Variants in SGCZ observed in about 807,000 individuals in gnomAD.
SGCZ encodes the protein sarcoglycan zeta.
SGCZ carries 40 observed loss-of-function variants against 41.3 expected under a neutral mutation model. The ratio of observed to expected loss-of-function variants is 0.97; its 90% CI spans 0.75 to 1.26. The LOEUF (loss-of-function observed/expected upper bound fraction) is 1.26. SGCZ is among the 50% of genes most tolerant of loss of function. The pLI, the probability that SGCZ is intolerant of heterozygous loss-of-function variation, is 0.00. For synonymous variants in SGCZ, 206 were observed against 137.5 expected, an observed-to-expected ratio of 1.50 and a Z score of -3.49; for missense variants, 552 against 369.8, an observed-to-expected ratio of 1.49 and a Z score of -4.04.
rs536506391 is a variant in SGCZ at position 14,474,746 on chromosome 8, A to C, written c.234+79986T>G. Among the ~76,000 whole-genome samples the C allele has an allele frequency of 3.8e-4, 58 of 152,330 alleles. No individual in the cohort carries two copies. The South Asian group carries it at 5.6e-3, about 15-fold the overall frequency. On this transcript the variant is annotated intron_variant, in intron 2 of 7. Transcript: ENST00000382080. ...TAAATTTACTGTTAGATTTTGATTC[A>C]CACTAAAAATCAATTACTTGTCCTT...
At chr8:14,379,587 T>C (rs907809105) in intron 2 of SGCZ, among the ~76,000 whole-genome samples, 1 of 152,074 alleles carries the variant, frequency 6.6e-6, no homozygotes, top group Non-Finnish European at 1.5e-5. Context: ...ACAGAAAATA[T>C]CAATAGACTA....
intron 1 of SGCZ, among the ~76,000 whole-genome samples, chr8:14,837,675 T>G (rs1167827062): frequency 6.6e-6 from 1 of 152,198 alleles, no homozygotes; most frequent in Non-Finnish European, 1.5e-5. Context: ...AATACAGAAA[T>G]ATTTTTATTT....
At chr8:14,117,353 A>T (rs1460243431) in intron 5 of SGCZ, among the ~76,000 whole-genome samples, 24 of 20,290 alleles carry the variant, frequency 1.2e-3, no homozygotes, top group Non-Finnish European at 2.0e-3. Context: ...TTCAATAGGT[A>T]GTGTTTTTTT....
At chr8:14,374,010 A>G (rs1804011871) in intron 2 of SGCZ, among the ~76,000 whole-genome samples, 1 of 152,214 alleles carries the variant, frequency 6.6e-6, no homozygotes, top group African/African-American at 2.4e-5. Context: ...CAGATATATT[A>G]ACGATTTTAA....
At chr8:14,412,078 C>T (rs906349233) in intron 2 of SGCZ, among the ~76,000 whole-genome samples, 1 of 152,036 alleles carries the variant, frequency 6.6e-6, no homozygotes, top group African/African-American at 2.4e-5. Flanking sequence ...TCAAAATTGC[C>T]ATTCAAAGAT....
intron 1 of SGCZ, among the ~76,000 whole-genome samples, chr8:14,602,807 T>C (rs1805635204): frequency 6.6e-6 from 1 of 152,196 alleles, no homozygotes; most frequent in Non-Finnish European, 1.5e-5. Flanking sequence ...TATGCATATA[T>C]GGCATCTTCT....
chr8:15,036,948 C>A (rs1445269012), intron 1 of SGCZ, among the ~76,000 whole-genome samples: 2 of 152,076 alleles, frequency 1.3e-5, no homozygotes, highest in Non-Finnish European at 2.9e-5. Context: ...ATACGAAAAT[C>A]TTTAAATATA....
At chr8:14,468,155 C>G (rs887028381) in intron 2 of SGCZ, among the ~76,000 whole-genome samples, 1 of 151,928 alleles carries the variant, frequency 6.6e-6, no homozygotes, top group Admixed American at 6.6e-5. Flanking sequence ...CCATCACTTT[C>G]TAGCTACATT....
chr8:15,021,536 C>G (rs964160706), intron 1 of SGCZ, among the ~76,000 whole-genome samples: 1 of 152,168 alleles, frequency 6.6e-6, no homozygotes, highest in Admixed American at 6.5e-5. Flanking sequence ...TACGTTGGCA[C>G]AACAGGATAG....
chr8:14,614,341 T>C (rs1191061717), intron 1 of SGCZ, among the ~76,000 whole-genome samples: 1 of 152,148 alleles, frequency 6.6e-6, no homozygotes, highest in Non-Finnish European at 1.5e-5. Flanking sequence ...ATAATTCCCA[T>C]ATCAACCGCC....
At chr8:14,274,511 C>T (rs867022211) in intron 3 of SGCZ, among the ~76,000 whole-genome samples, 2 of 152,146 alleles carry the variant, frequency 1.3e-5, no homozygotes, top group African/African-American at 4.8e-5. Flanking sequence ...ATGAAAACCT[C>T]TGTGTGCTAA....
chr8:15,118,483 C>G (rs1385745222), intron 1 of SGCZ, among the ~76,000 whole-genome samples: 1 of 152,124 alleles, frequency 6.6e-6, no homozygotes, highest in African/African-American at 2.4e-5. Context: ...TAAGGTTGAT[C>G]ACTCCACCTT....
intron 1 of SGCZ, among the ~76,000 whole-genome samples, chr8:14,819,309 GGTCT>G (rs1335728918): frequency 6.6e-6 from 1 of 152,054 alleles, no homozygotes; most frequent in Non-Finnish European, 1.5e-5. Context: ...TGTCTGGGAA[GGTCT>G]TTACTTTTCC....
intron 1 of SGCZ, among the ~76,000 whole-genome samples, chr8:15,123,295 T>C (rs943309222): frequency 6.6e-6 from 1 of 152,228 alleles, no homozygotes; most frequent in Admixed American, 6.5e-5. Flanking sequence ...TGATGTATTT[T>C]ATAAAGATTT....
chr8:15,173,768 T>A (rs1031924718), intron 1 of SGCZ, among the ~76,000 whole-genome samples: 2 of 152,166 alleles, frequency 1.3e-5, no homozygotes, highest in Non-Finnish European at 2.9e-5. Context: ...ATTCATTTAT[T>A]TAGAGACACC....
intron 1 of SGCZ, among the ~76,000 whole-genome samples, chr8:14,629,682 T>C (rs980214855): frequency 4.0e-5 from 6 of 151,854 alleles, no homozygotes; most frequent in African/African-American, 1.5e-4. Context: ...TCCTTGTCTA[T>C]GGAATGCTTT....
intron 1 of SGCZ, among the ~76,000 whole-genome samples, chr8:15,218,998 A>T (rs1357015997): frequency 6.6e-6 from 1 of 152,200 alleles, no homozygotes; most frequent in Non-Finnish European, 1.5e-5. Context: ...AAAGATCGTT[A>T]GATTACATTC....
At chr8:14,277,772 G>A (rs909271890) in intron 3 of SGCZ, among the ~76,000 whole-genome samples, 1 of 152,124 alleles carries the variant, frequency 6.6e-6, no homozygotes, top group Admixed American at 6.6e-5. Context: ...CAAGTGAGGG[G>A]AGGAATGTTC....
intron 1 of SGCZ, among the ~76,000 whole-genome samples, chr8:14,721,929 C>A (rs1459913177): frequency 1.3e-5 from 2 of 152,152 alleles, no homozygotes; most frequent in African/African-American, 4.8e-5. Context: ...TTCAGTCATT[C>A]TCACACCTTA....
Sources: allele counts gnomAD v4.1 joint callset (sites outside exome capture counted in the v4.1 genomes callset), GRCh38; gene constraint gnomAD v4.1.1; transcripts MANE v1.5; gene names NCBI Gene and HGNC (gene_info 2026-07-23, HGNC 2026-07-21).